The following DLG2 variants were observed in gnomAD, a reference collection of about 807,000 sequenced individuals.
The protein encoded by DLG2 is disks large homolog 2.
A neutral mutation model predicts 132.5 loss-of-function variants in DLG2; 45 were observed. The ratio of observed to expected loss-of-function variants is 0.34; its 90% CI spans 0.27 to 0.44. The LOEUF (loss-of-function observed/expected upper bound fraction) is 0.44, where lower values mean the gene tolerates loss of function less well. Ranked by LOEUF, DLG2 falls within the 20% of genes least tolerant of loss-of-function variation. The pLI is 1.00. For synonymous variants in DLG2, 424 were observed against 419.6 expected, an observed-to-expected ratio of 1.01 and a Z score of -0.13; for missense variants, 1,045 against 1,196.9, an observed-to-expected ratio of 0.87 and a Z score of 1.87.
chr11:83,469,228 C>T lies in DLG2; in HGVS notation c.2592G>A (p.Val864=). The T allele has an allele frequency of 6.2e-7, 1 of 1,612,254 alleles. No individual in the cohort carries two copies. ...QYNDNLYGTS[V]QSVRFVAERG... is the part of the protein sequence containing the mutation. Reference sequence around the variant, plus strand: ...TTTCTGCTACAAATCTCACAGACTGCACACTGGTTCCATATAAATTGTCAT... The same window carrying T: ...TTTCTGCTACAAATCTCACAGACTGTACACTGGTTCCATATAAATTGTCAT... Residue 864 remains valine (V), a synonymous_variant, in exon 25 of 28, where the codon GTG becomes GTA. Transcript: ENST00000376104.
intron 3 of DLG2, among the ~76,000 whole-genome samples, chr11:85,421,347 C>T (rs1204181219): frequency 5.3e-5 from 8 of 151,826 alleles, no homozygotes; most frequent in African/African-American, 1.2e-4. Flanking sequence ...ACCCCTCCTG[C>T]GTTGATCTCG....
chr11:83,916,385 G>C (rs1443690533), intron 15 of DLG2, among the ~76,000 whole-genome samples: 1 of 151,648 alleles, frequency 6.6e-6, no homozygotes, highest in Non-Finnish European at 1.5e-5. Flanking sequence ...GTGTGATCTT[G>C]GCTCACTGCA....
intron 6 of DLG2, among the ~76,000 whole-genome samples, chr11:84,857,588 G>T (rs547610298): frequency 3.3e-5 from 5 of 152,102 alleles, no homozygotes; most frequent in African/African-American, 1.2e-4. Flanking sequence ...AATATTTTTA[G>T]TAAGTGTACT....
chr11:83,900,223 A>T (rs1318365133), intron 15 of DLG2, among the ~76,000 whole-genome samples: 1 of 152,224 alleles, frequency 6.6e-6, no homozygotes, highest in African/African-American at 2.4e-5. Context: ...AGGGAAGCAG[A>T]GCATAAAAGT....
At chr11:83,642,870 G>C (rs1318723007) in intron 18 of DLG2, among the ~76,000 whole-genome samples, 1 of 151,878 alleles carries the variant, frequency 6.6e-6, no homozygotes, top group African/African-American at 2.4e-5. Context: ...ATGCAGAATA[G>C]AAAAAAAGTA....
chr11:83,845,816 C>T (rs1358719784), intron 16 of DLG2, among the ~76,000 whole-genome samples: 3 of 152,056 alleles, frequency 2.0e-5, no homozygotes, highest in Non-Finnish European at 4.4e-5. Context: ...ACTTGAGTAA[C>T]CTTGGTGTAG....
Position 84,404,438 on chromosome 11 carries a change from G to A in DLG2, c.519+130132C>T, listed in dbSNP as rs187906661. Among the ~76,000 whole-genome samples the A allele has an allele frequency of 9.9e-5, 15 of 152,146 alleles. No homozygotes were observed. In the East Asian group the frequency reaches 1.9e-3, roughly 20 times the overall value. On this transcript the variant is annotated intron_variant, in intron 7 of 27. Coordinates refer to ENST00000376104, the MANE Select transcript of DLG2 (RefSeq NM_001142699.3). ...TAGCACCCTCACCTACCTTTTCATT[G>A]CAGTACGTGCCACAGTCATATGTTT...
At chr11:84,393,404 A>C (rs7117729) in intron 7 of DLG2, among the ~76,000 whole-genome samples, 1 of 152,018 alleles carries the variant, frequency 6.6e-6, no homozygotes, top group South Asian at 2.1e-4. Context: ...GTCTGTCTAC[A>C]GCTAAGCACT....
At chr11:85,061,382 G>C (rs994198842) in intron 6 of DLG2, among the ~76,000 whole-genome samples, 1 of 151,522 alleles carries the variant, frequency 6.6e-6, no homozygotes, top group Non-Finnish European at 1.5e-5. Context: ...GAACTATTCT[G>C]CTGTTTTTTG....
Position 83,825,235 on chromosome 11 carries a change from G to A in DLG2, c.1722+8379C>T, listed in dbSNP as rs1451115153. 2.3e-5 allele frequency among the ~76,000 whole-genome samples: 3 copies of A among 132,228 alleles called. No homozygotes were observed. In the Admixed American group the frequency reaches 2.7e-4, roughly 12 times the overall value. 86.7% of individuals were successfully genotyped at this position (132,228 alleles called of 152,430 possible). On this transcript the variant is annotated intron_variant, in intron 17 of 27. Coordinates refer to ENST00000376104, the MANE Select transcript of DLG2 (RefSeq NM_001142699.3). ...TCACTCTTGTTGCCCAGGCTGGAATGCAATGGCATGATCTTGGCTCACCGC... is the reference window on the plus strand; with the variant it reads ...TCACTCTTGTTGCCCAGGCTGGAATACAATGGCATGATCTTGGCTCACCGC...
chr11:83,727,782 G>C (rs1367219409), intron 18 of DLG2, among the ~76,000 whole-genome samples: 2 of 152,104 alleles, frequency 1.3e-5, no homozygotes, highest in African/African-American at 4.8e-5. Flanking sequence ...AATCCACTTC[G>C]GTGATTTTAG....
At chr11:85,224,762 G>A (rs998824761) in intron 4 of DLG2, among the ~76,000 whole-genome samples, 8 of 152,054 alleles carry the variant, frequency 5.3e-5, no homozygotes, top group Non-Finnish European at 1.0e-4. Flanking sequence ...GAGTTTAAAA[G>A]AGCAAGACAT....
intron 7 of DLG2, among the ~76,000 whole-genome samples, chr11:84,364,666 T>A (rs1336493536): frequency 6.6e-6 from 1 of 152,178 alleles, no homozygotes; most frequent in Non-Finnish European, 1.5e-5. Context: ...ATACCTCTTA[T>A]TATTTTGAGA....
intron 3 of DLG2, among the ~76,000 whole-genome samples, chr11:85,580,886 C>CA (rs1341354926): frequency 6.6e-6 from 1 of 152,096 alleles, no homozygotes; most frequent in East Asian, 1.9e-4. Flanking sequence ...CATAACCTGC[C>CA]ATGGTTCTTC....
At chr11:85,225,192 A>C (rs2074901829) in intron 4 of DLG2, among the ~76,000 whole-genome samples, 1 of 152,122 alleles carries the variant, frequency 6.6e-6, no homozygotes. Context: ...AAAAAAAAGC[A>C]CAAGTTATTT....
chr11:85,421,671 C>G (rs1404299671), intron 3 of DLG2, among the ~76,000 whole-genome samples: 1 of 151,986 alleles, frequency 6.6e-6, no homozygotes, highest in South Asian at 2.1e-4. Flanking sequence ...CAATGTTAGT[C>G]TTGAAATGTG....
chr11:85,273,707 A>G (rs556955208), intron 4 of DLG2, among the ~76,000 whole-genome samples: 64 of 152,358 alleles, frequency 4.2e-4, no homozygotes, highest in African/African-American at 1.4e-3. Context: ...TGATTCCTCC[A>G]GGATCTAGAA....
At chr11:84,550,479 C>G (rs1434464649) in intron 6 of DLG2, among the ~76,000 whole-genome samples, 1 of 152,160 alleles carries the variant, frequency 6.6e-6, no homozygotes, top group African/African-American at 2.4e-5. Context: ...GCTGAAATTG[C>G]CTTCACTGCT....
chr11:84,585,395 C>T (rs916265773), intron 6 of DLG2, among the ~76,000 whole-genome samples: 2 of 152,122 alleles, frequency 1.3e-5, no homozygotes, highest in Non-Finnish European at 2.9e-5. Flanking sequence ...ATCCTGAAAC[C>T]ACACTGTCAT....
Sources: gnomAD v4.1 joint callset for allele counts (sites outside exome capture counted in the v4.1 genomes callset) on GRCh38, gnomAD v4.1.1 for gene constraint, MANE v1.5 for transcripts, NCBI Gene and HGNC (gene_info 2026-07-23, HGNC 2026-07-21) for gene names.